The following PPP2CA variants were observed in gnomAD, a reference collection of about 807,000 sequenced individuals.
PPP2CA encodes protein phosphatase 2 catalytic subunit alpha, also known as serine/threonine-protein phosphatase 2A catalytic subunit alpha isoform.
PPP2CA carries 5 observed loss-of-function variants against 38.8 expected under a neutral mutation model. The observed-to-expected ratio is 0.13, with a 90% CI of 0.07 to 0.27. The LOEUF (loss-of-function observed/expected upper bound fraction) is 0.27, where lower values mean the gene tolerates loss of function less well. Ranked by LOEUF, PPP2CA falls within the 10% of genes least tolerant of loss-of-function variation. PPP2CA has a pLI of 1.00. For missense variants in PPP2CA, 88 were observed against 389.7 expected, an observed-to-expected ratio of 0.23 and a Z score of 6.52; for synonymous variants, 152 against 134.0, an observed-to-expected ratio of 1.13 and a Z score of -0.93.
intron 1 of PPP2CA, 78 bp from the exon 2 acceptor site, chr5:134,206,209 A>G: frequency 7.8e-7 from 1 of 1,275,930 alleles, no homozygotes; most frequent in African/African-American, 1.5e-5. Flanking sequence ...CTTACACTTA[A>G]TGTAGCTTAA....
intron 1 of PPP2CA, among the ~76,000 whole-genome samples, chr5:134,221,011 A>G (rs1425419205): frequency 6.6e-6 from 1 of 152,212 alleles, no homozygotes; most frequent in African/African-American, 2.4e-5. Context: ...TCATGAAGTC[A>G]ACTCCAAACT....
At chr5:134,221,953 G>GT (rs1434439295) in intron 1 of PPP2CA, among the ~76,000 whole-genome samples, 2 of 136,190 alleles carry the variant, frequency 1.5e-5, no homozygotes, top group African/African-American at 5.5e-5. Context: ...GGGCAAAAGA[G>GT]TAAGACCTTA....
intron 1 of PPP2CA, among the ~76,000 whole-genome samples, chr5:134,210,823 GA>G (rs888325199): frequency 1.5e-4 from 22 of 151,414 alleles, no homozygotes; most frequent in Non-Finnish European, 2.2e-4. Context: ...TCCCAAAAAA[GA>G]AAAAAAAGAA....
At chr5:134,212,700 A>G (rs1762227003) in intron 1 of PPP2CA, among the ~76,000 whole-genome samples, 1 of 152,254 alleles carries the variant, frequency 6.6e-6, no homozygotes, top group Non-Finnish European at 1.5e-5. Flanking sequence ...CCAAACTGCT[A>G]AGGTATAAAT....
intron 1 of PPP2CA, among the ~76,000 whole-genome samples, chr5:134,213,186 C>T (rs1469290397): frequency 2.6e-5 from 4 of 152,202 alleles, no homozygotes; most frequent in Non-Finnish European, 5.9e-5. Flanking sequence ...AAACCCTCAA[C>T]GGACAGGCTG....
At chr5:134,206,279 G>C in intron 1 of PPP2CA, 148 bp from the exon 2 acceptor site, 1 of 674,428 alleles carries the variant, frequency 1.5e-6, no homozygotes, top group Non-Finnish European at 2.5e-6. Flanking sequence ...AAATAAGTGA[G>C]ATATGATTAT....
chr5:134,217,026 A>T (rs1463004978), intron 1 of PPP2CA, among the ~76,000 whole-genome samples: 4 of 152,250 alleles, frequency 2.6e-5, no homozygotes, highest in African/African-American at 9.6e-5. Context: ...TCACGCCTGT[A>T]ATCCCAGCAC....
chr5:134,221,088 T>G (rs1288602718), intron 1 of PPP2CA, among the ~76,000 whole-genome samples: 2 of 151,866 alleles, frequency 1.3e-5, no homozygotes, highest in African/African-American at 4.8e-5. Context: ...CATTTGACTG[T>G]GGAAGCCAAG....
chr5:134,213,820 A>G (rs758000832), intron 1 of PPP2CA, among the ~76,000 whole-genome samples: 1 of 152,166 alleles, frequency 6.6e-6, no homozygotes, highest in Admixed American at 6.5e-5. Flanking sequence ...CCATGTCACA[A>G]TTCTTTGCAT....
chr5:134,219,047 A>T (rs552472144), intron 1 of PPP2CA, among the ~76,000 whole-genome samples: 1 of 152,334 alleles, frequency 6.6e-6, no homozygotes, highest in East Asian at 1.9e-4. Context: ...CTATTTTATT[A>T]AGTAAAGCCA....
intron 3 of PPP2CA, 100 bp downstream of exon 3, chr5:134,201,748 C>A: frequency 7.8e-7 from 1 of 1,282,932 alleles, no homozygotes; most frequent in Non-Finnish European, 1.1e-6. Flanking sequence ...TAAAAAATAT[C>A]CCCAAAGGGG....
At chr5:134,221,556 C>G (rs114244491) in intron 1 of PPP2CA, among the ~76,000 whole-genome samples, 2 of 152,280 alleles carry the variant, frequency 1.3e-5, no homozygotes, top group African/African-American at 4.8e-5. Flanking sequence ...TCTCACCAAT[C>G]TCATTTGAGG....
At chr5:134,198,813 G>A (rs181911406) in intron 6 of PPP2CA, among the ~76,000 whole-genome samples, 5 of 152,218 alleles carry the variant, frequency 3.3e-5, no homozygotes, top group East Asian at 3.9e-4. Context: ...TGATCCACCC[G>A]AGCCTTCCAA....
At chr5:134,213,373 G>A (rs1229719002) in intron 1 of PPP2CA, among the ~76,000 whole-genome samples, 1 of 151,236 alleles carries the variant, frequency 6.6e-6, no homozygotes, top group African/African-American at 2.4e-5. Context: ...TTACAGCACG[G>A]TATACTGAAT....
chr5:134,221,967 C>CAAA (rs35713465), intron 1 of PPP2CA, among the ~76,000 whole-genome samples: 5 of 78,082 alleles, frequency 6.4e-5, no homozygotes, highest in Admixed American at 1.2e-4. Flanking sequence ...GACCTTATCT[C>CAAA]AAAAAAAAAA....
chr5:134,224,160 T>C, intron 1 of PPP2CA: 1 of 356,464 alleles, frequency 2.8e-6, no homozygotes, highest in Middle Eastern at 4.0e-4. Context: ...ATTCCAAAAA[T>C]CGGTAAGATC....
At chr5:134,215,445 C>G (rs1762297077) in intron 1 of PPP2CA, among the ~76,000 whole-genome samples, 1 of 152,068 alleles carries the variant, frequency 6.6e-6, no homozygotes, top group Non-Finnish European at 1.5e-5. Context: ...CATGGTAGCC[C>G]TCGCCTGTGG....
At chr5:134,209,776 CA>C (rs3216502) in intron 1 of PPP2CA, among the ~76,000 whole-genome samples, 130,595 of 149,652 alleles carry the variant, frequency 0.87, 57,198 homozygotes, top group Middle Eastern at 0.92. Context: ...AGACTCTGTC[CA>C]AAAAAAAAAA....
At chr5:134,200,828 A>G in intron 4 of PPP2CA, 157 bp downstream of exon 4, 2 of 682,180 alleles carry the variant, frequency 2.9e-6, no homozygotes, top group Non-Finnish European at 4.9e-6. Flanking sequence ...AGGTTTCTTA[A>G]TGTCAGCTTC....
Sources: allele counts gnomAD v4.1 joint callset (sites outside exome capture counted in the v4.1 genomes callset), GRCh38; gene constraint gnomAD v4.1.1; transcripts MANE v1.5; gene names NCBI Gene and HGNC (gene_info 2026-07-23, HGNC 2026-07-21).